The following COL19A1 variants were observed in gnomAD, a reference collection of about 807,000 sequenced individuals.
The protein encoded by COL19A1 is collagen type XIX alpha 1 chain.
COL19A1 carries 159 observed loss-of-function variants against 190.2 expected under a neutral mutation model. The ratio of observed to expected loss-of-function variants is 0.84; its 90% CI spans 0.73 to 0.95. The LOEUF is 0.95. Among genes scored for constraint, COL19A1 ranks in the 40% least tolerant of loss-of-function variants. The probability of loss-of-function intolerance (pLI) is 0.00; values close to 1 mark genes in which losing one functional copy is unlikely to be tolerated. For synonymous variants in COL19A1, 509 were observed against 458.9 expected, an observed-to-expected ratio of 1.11 and a Z score of -1.39; for missense variants, 1,418 against 1,431.9, an observed-to-expected ratio of 0.99 and a Z score of 0.16.
rs763625255 is a variant in COL19A1, at chr6:70,176,577, T to G, written c.2667+13T>G. 35 of 1,612,302 alleles carry G rather than the reference T, an allele frequency of 2.2e-5. No homozygotes were observed. The Admixed American group carries it at 5.0e-4, about 23-fold the overall frequency. On this transcript the variant is annotated intron_variant, in intron 42 of 50. Transcript: ENST00000620364. ...AGCAGGGATGTCGGTGAGTTCAGAT[T>G]ACTTCACATCATTTTCACAGGTAAA...
intron 9 of COL19A1, among the ~76,000 whole-genome samples, chr6:69,949,609 G>T (rs1186788068): frequency 6.6e-6 from 1 of 151,852 alleles, no homozygotes. Flanking sequence ...AAGAAAAATG[G>T]TTTGTTAGAT....
At chr6:70,160,759 T>G (rs1253375250) in intron 34 of COL19A1, among the ~76,000 whole-genome samples, 1 of 152,198 alleles carries the variant, frequency 6.6e-6, no homozygotes, top group Admixed American at 6.6e-5. Flanking sequence ...CTGATAAAAC[T>G]TATCTATTTG....
At chr6:70,156,819 G>C (rs1011110683) in intron 34 of COL19A1, 96 bp downstream of exon 34, 9 of 871,784 alleles carry the variant, frequency 1.0e-5, no homozygotes, top group Admixed American at 9.9e-5. Flanking sequence ...GCTCAGATCT[G>C]ATGCTATAAC....
At chr6:70,016,788 T>A (rs1164548530) in intron 11 of COL19A1, among the ~76,000 whole-genome samples, 2 of 151,964 alleles carry the variant, frequency 1.3e-5, no homozygotes, top group African/African-American at 4.8e-5. Context: ...CATTAATCAT[T>A]AAGAAAATGC....
intron 17 of COL19A1, among the ~76,000 whole-genome samples, chr6:70,125,820 C>T (rs1785160432): frequency 6.6e-6 from 1 of 152,302 alleles, no homozygotes; most frequent in South Asian, 2.1e-4. Context: ...GCATATTCTT[C>T]CCCTCAAGGA....
chr6:70,115,916 A>G (rs1784551559), intron 16 of COL19A1, among the ~76,000 whole-genome samples: 1 of 150,446 alleles, frequency 6.6e-6, no homozygotes, highest in Admixed American at 6.7e-5. Flanking sequence ...AAAAAAATCC[A>G]TTACAATTAT....
chr6:70,025,265 C>G (rs527807674), intron 12 of COL19A1, among the ~76,000 whole-genome samples: 17 of 152,246 alleles, frequency 1.1e-4, no homozygotes, highest in African/African-American at 2.6e-4. Flanking sequence ...CTCCTGACCT[C>G]GTGATCCGCC....
chr6:69,907,894 T>A (rs1311486950), intron 4 of COL19A1, among the ~76,000 whole-genome samples: 1 of 152,186 alleles, frequency 6.6e-6, no homozygotes, highest in Non-Finnish European at 1.5e-5. Flanking sequence ...GATAAAAGAA[T>A]GTGGATCTAG....
At chr6:70,072,838 G>A in intron 15 of COL19A1, among the ~76,000 whole-genome samples, 1 of 151,998 alleles carries the variant, frequency 6.6e-6, no homozygotes, top group East Asian at 1.9e-4. Context: ...CCATGAGCTG[G>A]GAGCCTACAA....
rs367657660 is a variant in COL19A1 at position 70,121,883 on chromosome 6, C to A, written c.1282C>A (p.Pro428Thr). 6 of 1,571,914 alleles carry A rather than the reference C, an allele frequency of 3.8e-6. No individual in the cohort carries two copies. In the East Asian group the frequency reaches 1.2e-4, roughly 30 times the overall value. Residue 428 changes from proline to threonine, a missense_variant, in exon 17 of 51, where the codon CCT becomes ACT. By Grantham distance (38) the Pro-to-Thr change is conservative. Transcript: ENST00000620364. ...GKPGPPGPPG[P>T]PGIQGIHQTL... ...CTTTGATTTGTTTATAATACAGGGACCTCCTGGAATACAAGGAATACACCA... is the reference window on the plus strand; with the variant it reads ...CTTTGATTTGTTTATAATACAGGGAACTCCTGGAATACAAGGAATACACCA...
At chr6:70,096,094 T>C (rs1280870743) in intron 15 of COL19A1, among the ~76,000 whole-genome samples, 1 of 151,372 alleles carries the variant, frequency 6.6e-6, no homozygotes, top group Non-Finnish European at 1.5e-5. Context: ...ATTTTTTTTT[T>C]TTTTTGAGAG....
At chr6:69,881,433 A>G (rs1768547294) in intron 2 of COL19A1, among the ~76,000 whole-genome samples, 1 of 152,194 alleles carries the variant, frequency 6.6e-6, no homozygotes, top group South Asian at 2.1e-4. Context: ...AGTGTATAAC[A>G]CAGTACTGTT....
intron 11 of COL19A1, among the ~76,000 whole-genome samples, chr6:70,016,366 T>TTAAAAAAA (rs1554189059): frequency 3.5e-4 from 13 of 37,626 alleles, no homozygotes; most frequent in African/African-American, 1.8e-3. Context: ...TAGAGTATAA[T>TTAAAAAAA]AAAAAAAAAA....
intron 2 of COL19A1, among the ~76,000 whole-genome samples, chr6:69,885,338 T>TA (rs141001687): frequency 0.1 from 15,261 of 152,160 alleles, 969 homozygotes; most frequent in Middle Eastern, 0.3. Flanking sequence ...GTGCTTCTTT[T>TA]AAAAAAATTA....
chr6:70,042,532 A>G (rs910903866), intron 14 of COL19A1, among the ~76,000 whole-genome samples: 2 of 152,196 alleles, frequency 1.3e-5, no homozygotes, highest in Non-Finnish European at 2.9e-5. Flanking sequence ...TCTTGCCTCC[A>G]TATTGATGGC....
intron 9 of COL19A1, among the ~76,000 whole-genome samples, chr6:69,949,117 T>C (rs1279129286): frequency 1.3e-5 from 2 of 151,850 alleles, no homozygotes; most frequent in African/African-American, 4.8e-5. Context: ...TGAGTTACTC[T>C]TAAAGGGTCT....
At chr6:70,078,499 C>T (rs532966171) in intron 15 of COL19A1, among the ~76,000 whole-genome samples, 10 of 152,272 alleles carry the variant, frequency 6.6e-5, no homozygotes, top group Non-Finnish European at 1.0e-4. Context: ...AAGCAAGGGG[C>T]GAGGCTTGCC....
intron 18 of COL19A1, among the ~76,000 whole-genome samples, chr6:70,133,940 G>C (rs751441141): frequency 9.2e-5 from 14 of 152,152 alleles, no homozygotes; most frequent in Non-Finnish European, 1.9e-4. Context: ...TCCTGCCCCT[G>C]TTTACCTGTA....
At chr6:70,062,003 T>A (rs2150142782) in intron 14 of COL19A1, among the ~76,000 whole-genome samples, 1 of 152,238 alleles carries the variant, frequency 6.6e-6, no homozygotes, top group Non-Finnish European at 1.5e-5. Flanking sequence ...CAGGTTTTGT[T>A]GTTTTTTTGT....
Sources: allele counts gnomAD v4.1 joint callset (sites outside exome capture counted in the v4.1 genomes callset), GRCh38; gene constraint gnomAD v4.1.1; transcripts MANE v1.5; gene names NCBI Gene and HGNC (gene_info 2026-07-23, HGNC 2026-07-21).